PRIM2: variants seen among roughly 807,000 people sequenced by gnomAD.
The protein encoded by PRIM2 is DNA primase subunit 2.
A neutral mutation model predicts 67.3 loss-of-function variants in PRIM2; 39 were observed. The observed-to-expected ratio is 0.58, with a 90% confidence interval of 0.45 to 0.76. The LOEUF is 0.76. Ranked by LOEUF, PRIM2 falls within the 30% of genes least tolerant of loss-of-function variation. PRIM2 has a pLI of 0.00. For missense variants in PRIM2, 398 were observed against 598.7 expected (o/e 0.66, Z 3.50); for synonymous variants, 143 against 198.7 (o/e 0.72, Z 2.36).
chr6:57,295,933 G>A, the PRIM2 span, among the ~76,000 whole-genome samples: 1 of 152,136 alleles, frequency 6.6e-6, no homozygotes, highest in Admixed American at 6.5e-5. Context: ...GGGATGAGGG[G>A]GGAATGGCAT....
intron 7 of PRIM2, among the ~76,000 whole-genome samples, chr6:57,409,626 CA>C (rs1720397983): frequency 6.6e-6 from 1 of 152,158 alleles, no homozygotes; most frequent in African/African-American, 2.4e-5. Context: ...ACCACCTTGC[CA>C]AAAGTTGATA....
intron 7 of PRIM2, among the ~76,000 whole-genome samples, chr6:57,482,158 AT>A (rs1178449432): frequency 0.5 from 72,804 of 145,702 alleles, 18,661 homozygotes; most frequent in African/African-American, 0.68. Context: ...AATAATTTGG[AT>A]TTTTTTTTTT....
chr6:57,308,333 G>C, the PRIM2 span, among the ~76,000 whole-genome samples: 1 of 152,056 alleles, frequency 6.6e-6, no homozygotes, highest in Admixed American at 6.6e-5. Context: ...GTGTTGCTCA[G>C]GCTGGTCTCA....
At chr6:57,334,997 G>A (rs1161147827) in intron 5 of PRIM2, among the ~76,000 whole-genome samples, 2 of 152,198 alleles carry the variant, frequency 1.3e-5, no homozygotes, top group African/African-American at 4.8e-5. Context: ...CAGGTCAGTG[G>A]GTGCGCGCAC....
the PRIM2 span, among the ~76,000 whole-genome samples, chr6:57,281,095 G>C: frequency 9.2e-5 from 14 of 152,240 alleles, no homozygotes; most frequent in African/African-American, 3.1e-4. Flanking sequence ...ATGGCCTCCA[G>C]TTCCAAATAC....
chr6:57,466,322 T>TTTGGGTATATACCCAGTA (rs1170099696), intron 7 of PRIM2, among the ~76,000 whole-genome samples: 2 of 152,242 alleles, frequency 1.3e-5, no homozygotes, highest in South Asian at 2.1e-4. Context: ...TTTATAATCC[T>TTTGGGTATATACCCAGTA]TTGGGTATAT....
At chr6:57,483,001 C>G (rs1328666989) in intron 7 of PRIM2, among the ~76,000 whole-genome samples, 5 of 152,132 alleles carry the variant, frequency 3.3e-5, no homozygotes, top group African/African-American at 1.2e-4. Context: ...CCTCCGCCTC[C>G]TGGGTTCAAT....
chr6:57,296,886 G>T, the PRIM2 span, among the ~76,000 whole-genome samples: 2 of 152,084 alleles, frequency 1.3e-5, no homozygotes, highest in African/African-American at 4.8e-5. Context: ...AAGTAAGAAG[G>T]TGCTCAAAAA....
At chr6:57,428,576 G>T (rs1408348496) in intron 7 of PRIM2, among the ~76,000 whole-genome samples, 1 of 152,102 alleles carries the variant, frequency 6.6e-6, no homozygotes, top group Non-Finnish European at 1.5e-5. Context: ...CTGTGGTGTG[G>T]GACATGAGTG....
chr6:57,471,687 A>G (rs1334116945), intron 7 of PRIM2, among the ~76,000 whole-genome samples: 2 of 152,238 alleles, frequency 1.3e-5, no homozygotes, highest in Non-Finnish European at 2.9e-5. Flanking sequence ...AGGTGAATGG[A>G]TGAACAATGA....
the PRIM2 span, among the ~76,000 whole-genome samples, chr6:57,232,064 T>A: frequency 1.3e-5 from 2 of 152,204 alleles, no homozygotes; most frequent in Non-Finnish European, 2.9e-5. Context: ...AGATAATCTG[T>A]CTTGAATTTC....
At chr6:57,409,179 C>CTT (rs71299588) in intron 7 of PRIM2, among the ~76,000 whole-genome samples, 1 of 143,734 alleles carries the variant, frequency 7.0e-6, no homozygotes, top group Non-Finnish European at 1.5e-5. Context: ...TGGATAAATA[C>CTT]TTTTTTTTTT....
intron 7 of PRIM2, among the ~76,000 whole-genome samples, chr6:57,399,347 A>G (rs1770627859): frequency 6.6e-6 from 1 of 152,166 alleles, no homozygotes; most frequent in African/African-American, 2.4e-5. Context: ...AGCTTCATCC[A>G]TGTCCCTACG....
chr6:57,480,243 C>T (rs1394805664), intron 7 of PRIM2, among the ~76,000 whole-genome samples: 12 of 152,192 alleles, frequency 7.9e-5, no homozygotes, highest in Admixed American at 6.5e-4. Flanking sequence ...AAAACTATGA[C>T]TTTTTAAATT....
chr6:57,323,613 C>T (rs1767734991), intron 3 of PRIM2, among the ~76,000 whole-genome samples: 1 of 151,778 alleles, frequency 6.6e-6, no homozygotes, highest in Admixed American at 6.6e-5. Context: ...CACCCCACAC[C>T]AGGGCCTGTC....
At chr6:57,572,599 C>G in intron 10 of PRIM2, among the ~76,000 whole-genome samples, 1 of 152,032 alleles carries the variant, frequency 6.6e-6, no homozygotes, top group South Asian at 2.1e-4. Flanking sequence ...GTGTGCATAC[C>G]TGTGGAATTT....
At chr6:57,592,552 T>G (rs1776299510) in intron 10 of PRIM2, among the ~76,000 whole-genome samples, 2 of 152,174 alleles carry the variant, frequency 1.3e-5, no homozygotes, top group African/African-American at 2.4e-5. Context: ...CTCAGCACTT[T>G]GGGAGGCTGA....
chr6:57,290,509 T>C, the PRIM2 span, among the ~76,000 whole-genome samples: 3 of 152,206 alleles, frequency 2.0e-5, no homozygotes, highest in Non-Finnish European at 2.9e-5. Context: ...GTGGACCTAA[T>C]AGACATCTGT....
chr6:57,627,279 C>CAAAAAAAAAAAAAAAAAAAAAA (rs1158722297), intron 12 of PRIM2, among the ~76,000 whole-genome samples: 1 of 24,538 alleles, frequency 4.1e-5, no homozygotes, highest in African/African-American at 1.2e-4. Context: ...GACTCTGTCT[C>CAAAAAAAAAAAAAAAAAAAAAA]AAAAAAAAAA....
Sources: allele counts gnomAD v4.1 joint callset (sites outside exome capture counted in the v4.1 genomes callset), GRCh38; gene constraint gnomAD v4.1.1; transcripts MANE v1.5; gene names NCBI Gene and HGNC (gene_info 2026-07-23, HGNC 2026-07-21).